DNAI4: variants seen among roughly 807,000 people sequenced by gnomAD.
The protein encoded by DNAI4 is WD repeat domain 78.
Under a neutral mutation model 105.8 loss-of-function variants are expected in DNAI4, and 85 were observed. The ratio of observed to expected loss-of-function variants is 0.80; its 90% CI spans 0.67 to 0.96. The LOEUF is 0.96. DNAI4 is among the 40% of genes least tolerant of loss of function. The pLI, the probability that DNAI4 is intolerant of heterozygous loss-of-function variation, is 0.00. For missense variants in DNAI4, 1,014 were observed against 1,005.6 expected (o/e 1.01, Z -0.11); for synonymous variants, 352 against 331.5 (o/e 1.06, Z -0.67).
intron 7 of DNAI4, among the ~76,000 whole-genome samples, chr1:66,860,325 G>C (rs1646597982): frequency 6.6e-6 from 1 of 151,852 alleles, no homozygotes; most frequent in Non-Finnish European, 1.5e-5. Flanking sequence ...AGTTTAAATG[G>C]AATAAAAATA....
At chr1:66,837,379 A>AAC (rs1646048927) in intron 10 of DNAI4, among the ~76,000 whole-genome samples, 3 of 151,810 alleles carry the variant, frequency 2.0e-5, no homozygotes, top group Admixed American at 1.3e-4. Flanking sequence ...AAAAAAAAAA[A>AAC]AAAAACATAA....
chr1:66,870,993 G>A lies in DNAI4; in HGVS notation c.940+377C>T, dbSNP rs535405637. On this transcript the variant is annotated intron_variant, in intron 6 of 16. Coordinates refer to ENST00000371026, the MANE Select transcript of DNAI4 (RefSeq NM_024763.5). ...AGCATAATAGTATCTACCTCATAGG[G>A]TTGCTGTAAAAATTAAACCAGTTAA... 2.1e-4 allele frequency: 37 copies of A among 179,724 alleles called. 1 individual carries two copies. The South Asian group carries it at 6.7e-3, about 33-fold the overall frequency. The allele number at this position is 179,724 out of a possible 1,614,324, so 11.1% of individuals were successfully genotyped here. A position where few individuals can be genotyped will look rare whatever the true frequency, so the allele number is the denominator to read the frequency against.
chr1:66,818,985 T>C (rs1384925786), intron 16 of DNAI4, among the ~76,000 whole-genome samples: 1 of 152,124 alleles, frequency 6.6e-6, no homozygotes, highest in Non-Finnish European at 1.5e-5. Flanking sequence ...TCTCCTATTG[T>C]ACATGTGTAA....
chr1:66,884,391 C>T (rs1330519051), intron 4 of DNAI4, among the ~76,000 whole-genome samples: 1 of 152,152 alleles, frequency 6.6e-6, no homozygotes, highest in Non-Finnish European at 1.5e-5. Flanking sequence ...GAGGAACCTA[C>T]CTACAGTTTT....
At position 66,835,755 on chromosome 1, in the gene DNAI4, C is replaced by T; in HGVS notation, c.1604G>A (p.Ser535Asn). The change falls in exon 11 of 17, where the codon AGT becomes AAT. Residue 535 changes from serine to asparagine, a missense_variant. Physicochemically the swap from Ser to Asn is conservative, Grantham distance 46. Transcript: ENST00000371026. ...NPMWPERIYQ[S>N]PYGVTAVDFS... ...ATCCACAGCAGTAACTCCATATGGA[C>T]TCTGATAAATACGTTCTGGCCACTA... 3 of 1,614,064 alleles carry T rather than the reference C, an allele frequency of 1.9e-6. No homozygotes were observed. Among genetic ancestry groups the T allele is most frequent in the Non-Finnish European group, 2.5e-6 (3 of 1,179,978 alleles).
chr1:66,896,572 C>T (rs1648357156), intron 2 of DNAI4, among the ~76,000 whole-genome samples: 1 of 152,098 alleles, frequency 6.6e-6, no homozygotes, highest in Admixed American at 6.6e-5. Flanking sequence ...AAAGCTTGTC[C>T]TCACAAATGG....
intron 13 of DNAI4, among the ~76,000 whole-genome samples, chr1:66,828,721 T>G (rs999255321): frequency 2.6e-5 from 4 of 152,200 alleles, no homozygotes; most frequent in African/African-American, 9.7e-5. Context: ...TTTTATTTTC[T>G]TTTTACTGTC....
intron 8 of DNAI4, among the ~76,000 whole-genome samples, chr1:66,842,378 T>C (rs1398768725): frequency 6.6e-6 from 1 of 152,022 alleles, no homozygotes; most frequent in Non-Finnish European, 1.5e-5. Flanking sequence ...ATGTTTGGGT[T>C]TTTTTGTTTG....
chr1:66,822,201 C>T (rs983618663), intron 16 of DNAI4, among the ~76,000 whole-genome samples, 160 bp downstream of exon 16: 1 of 151,160 alleles, frequency 6.6e-6, no homozygotes, highest in African/African-American at 2.4e-5. Flanking sequence ...AAAAATAACC[C>T]TAGTAGGCAC....
intron 16 of DNAI4, among the ~76,000 whole-genome samples, chr1:66,820,483 T>C (rs1463666327): frequency 3.3e-5 from 5 of 152,100 alleles, no homozygotes; most frequent in Non-Finnish European, 7.4e-5. Context: ...ACTGTTTTCA[T>C]AGAGTTAACA....
chr1:66,894,757 T>C (rs896772351), intron 2 of DNAI4, among the ~76,000 whole-genome samples: 2 of 152,192 alleles, frequency 1.3e-5, no homozygotes, highest in Non-Finnish European at 2.9e-5. Flanking sequence ...AAAATAAGTG[T>C]TTATATGTGC....
At chr1:66,841,371 C>A (rs1646144869) in intron 8 of DNAI4, among the ~76,000 whole-genome samples, 1 of 152,086 alleles carries the variant, frequency 6.6e-6, no homozygotes, top group African/African-American at 2.4e-5. Flanking sequence ...GAAAAAAAAG[C>A]ATTTGCCTTG....
chr1:66,822,227 G>A (rs1472774199), intron 16 of DNAI4, 134 bp downstream of exon 16: 17 of 780,646 alleles, frequency 2.2e-5, no homozygotes, highest in Non-Finnish European at 3.2e-5. Flanking sequence ...ATAGAAGTTA[G>A]CAACTCCTGG....
chr1:66,814,021 C>A lies in DNAI4; in HGVS notation c.*109G>T. The A allele has an allele frequency of 1.5e-6, 1 of 678,532 alleles. No individual in the cohort carries two copies. The highest frequency in any genetic ancestry group is 3.2e-5 in the East Asian group (1 of 31,590). The allele number at this position is 678,532 out of a possible 1,614,324, so 42.0% of individuals were successfully genotyped here. ...TTTAAATTAAGTGGAAGTTATACAT[C>A]AAATATTGTTTTCTGAAATCAAAAT... On this transcript the variant is annotated 3_prime_UTR_variant, in exon 17 of 17. Transcript: ENST00000371026.
At chr1:66,863,829 T>A (rs1457981106) in intron 6 of DNAI4, among the ~76,000 whole-genome samples, 2 of 152,232 alleles carry the variant, frequency 1.3e-5, no homozygotes, top group African/African-American at 4.8e-5. Context: ...TAAGGCCATC[T>A]AACAAAGTCA....
At chr1:66,835,950 G>T (rs919110847) in intron 10 of DNAI4, among the ~76,000 whole-genome samples, 173 bp from the exon 11 acceptor site, 3 of 151,576 alleles carry the variant, frequency 2.0e-5, no homozygotes, top group African/African-American at 7.3e-5. Flanking sequence ...AACCTCACTT[G>T]GTCATTTCCT....
chr1:66,839,005 T>C (rs1646090542), intron 9 of DNAI4, among the ~76,000 whole-genome samples: 1 of 152,242 alleles, frequency 6.6e-6, no homozygotes, highest in Non-Finnish European at 1.5e-5. Context: ...ATAGACTCCA[T>C]CTGTAATATG....
Position 66,905,380 on chromosome 1 carries a change from A to G in DNAI4, c.171-5T>C, listed in dbSNP as rs767698596. ...TTTGGTTGTGTGGCATTGTTCCTAT[A>G]TAAGAAAAATAAAATATAATGCAAA... is the stretch of plus-strand genomic sequence containing the variant. On this transcript the variant is annotated splice_polypyrimidine_tract_variant and splice_region_variant and intron_variant, in intron 1 of 16. Coordinates refer to ENST00000371026, the MANE Select transcript of DNAI4 (RefSeq NM_024763.5). The G allele has an allele frequency of 1.0e-5, 14 of 1,387,938 alleles. 1 individual carries two copies. Among genetic ancestry groups the G allele is most frequent in the East Asian group, 2.5e-5 (1 of 40,534 alleles). 86.0% of individuals were successfully genotyped at this position (1,387,938 alleles called of 1,614,324 possible).
At chr1:66,821,055 C>T (rs1645614329) in intron 16 of DNAI4, among the ~76,000 whole-genome samples, 1 of 145,918 alleles carries the variant, frequency 6.9e-6, no homozygotes, top group Non-Finnish European at 1.5e-5. Context: ...AGTGGAATTA[C>T]TAGTTAAAAG....
Sources: gnomAD v4.1 joint callset for allele counts (sites outside exome capture counted in the v4.1 genomes callset) on GRCh38, gnomAD v4.1.1 for gene constraint, MANE v1.5 for transcripts, NCBI Gene and HGNC (gene_info 2026-07-23, HGNC 2026-07-21) for gene names.